The following NRXN3 variants were observed in gnomAD, a reference collection of about 807,000 sequenced individuals.
NRXN3 encodes neurexin III.
Under a neutral mutation model 137.6 loss-of-function variants are expected in NRXN3, and 32 were observed. The observed-to-expected ratio is 0.23, with a 90% CI of 0.18 to 0.31. The LOEUF is 0.31. Ranked by LOEUF, NRXN3 falls within the 10% of genes least tolerant of loss-of-function variation. NRXN3 has a pLI of 1.00. For missense variants in NRXN3, 1,574 were observed against 2,062.5 expected, an observed-to-expected ratio of 0.76 and a Z score of 4.59; for synonymous variants, 798 against 784.5, an observed-to-expected ratio of 1.02 and a Z score of -0.29.
chr14:78,442,567 G>A lies in NRXN3; in HGVS notation c.757+144707G>A, dbSNP rs60754504. On this transcript the variant is annotated intron_variant, in intron 4 of 20. Coordinates refer to ENST00000335750, the MANE Select transcript of NRXN3 (RefSeq NM_001330195.2). Reference sequence around the variant, plus strand: ...TGGCAATTTGTTACAGTAGCCCTAGGAAAGAAAGGGTTCTCCTTCTCTGAA... The same window carrying A: ...TGGCAATTTGTTACAGTAGCCCTAGAAAAGAAAGGGTTCTCCTTCTCTGAA... Among the ~76,000 whole-genome samples, 75 of 152,312 alleles carry A rather than the reference G, an allele frequency of 4.9e-4. No individual in the cohort carries two copies. In the East Asian group the frequency reaches 0.01, roughly 20 times the overall value.
intron 4 of NRXN3, among the ~76,000 whole-genome samples, chr14:78,464,465 A>G (rs1037639345): frequency 6.6e-5 from 10 of 152,222 alleles, no homozygotes; most frequent in African/African-American, 2.4e-4. Context: ...TATAGGTGAG[A>G]GAATTCAGAA....
chr14:78,483,771 C>T (rs2095510637), intron 4 of NRXN3, among the ~76,000 whole-genome samples: 1 of 152,088 alleles, frequency 6.6e-6, no homozygotes, highest in African/African-American at 2.4e-5. Flanking sequence ...TTTAAAAAGA[C>T]CCTAGAGTTC....
At chr14:78,833,267 T>G (rs1205104176) in intron 10 of NRXN3, among the ~76,000 whole-genome samples, 2 of 152,210 alleles carry the variant, frequency 1.3e-5, no homozygotes, top group Non-Finnish European at 2.9e-5. Flanking sequence ...CTCATGTCTT[T>G]TGAGTGACCT....
At chr14:79,206,068 T>A (rs2153223022) in intron 15 of NRXN3, among the ~76,000 whole-genome samples, 1 of 152,304 alleles carries the variant, frequency 6.6e-6, no homozygotes, top group Non-Finnish European at 1.5e-5. Flanking sequence ...GTCATTCATT[T>A]TTCTGTCTGT....
rs151197180 is a variant in NRXN3, at chr14:78,702,451, C to CTTTTCTTTTTTTTTTTTTTTTTTTTT, written c.1222-6764_1222-6763insTTCTTTTTTTTTTTTTTTTTTTTTTT. Among the ~76,000 whole-genome samples the CTTTTCTTTTTTTTTTTTTTTTTTTTT allele has an allele frequency of 4.1e-5, 5 of 122,702 alleles. 2 individuals carry two copies. Among genetic ancestry groups the CTTTTCTTTTTTTTTTTTTTTTTTTTT allele is most frequent in the South Asian group, 2.5e-4 (1 of 3,948 alleles). The allele number at this position is 122,702 out of a possible 152,430, so 80.5% of individuals were successfully genotyped here. A position where few individuals can be genotyped will look rare whatever the true frequency, so the allele number is the denominator to read the frequency against. On this transcript the variant is annotated intron_variant, in intron 6 of 20. Transcript: ENST00000335750. ...AAGAGAGAATCTTTCTTTTTCTTTT[C>CTTTTCTTTTTTTTTTTTTTTTTTTTT]TTATTTTTTTTGAGATGGAGTCTCA...
chr14:78,476,659 A>G (rs1247620380), intron 4 of NRXN3, among the ~76,000 whole-genome samples: 3 of 152,200 alleles, frequency 2.0e-5, no homozygotes, highest in African/African-American at 7.2e-5. Flanking sequence ...ATTTAAGTCA[A>G]TTGATTTATA....
chr14:79,664,228 G>T (rs2098547532), intron 17 of NRXN3, among the ~76,000 whole-genome samples: 1 of 152,120 alleles, frequency 6.6e-6, no homozygotes, highest in South Asian at 2.1e-4. Flanking sequence ...AGATTTTGCA[G>T]GGCCTGTAGA....
chr14:78,580,694 A>T (rs1230706966), intron 4 of NRXN3, among the ~76,000 whole-genome samples: 1 of 152,178 alleles, frequency 6.6e-6, no homozygotes, highest in Non-Finnish European at 1.5e-5. Context: ...AATGAATCTC[A>T]AATAGTGTCC....
chr14:78,175,455 C>T (rs991294075), intron 1 of NRXN3, among the ~76,000 whole-genome samples: 2 of 152,192 alleles, frequency 1.3e-5, no homozygotes, highest in African/African-American at 4.8e-5. Context: ...AGAAGCATTC[C>T]TTCTAAAACC....
intron 15 of NRXN3, among the ~76,000 whole-genome samples, chr14:79,033,003 T>A (rs1273343028): frequency 6.6e-6 from 1 of 152,150 alleles, no homozygotes; most frequent in African/African-American, 2.4e-5. Flanking sequence ...TTACTATTGT[T>A]GCCACCTCTA....
chr14:78,464,875 C>T (rs2095050852), intron 4 of NRXN3, among the ~76,000 whole-genome samples: 1 of 152,170 alleles, frequency 6.6e-6, no homozygotes, highest in Non-Finnish European at 1.5e-5. Flanking sequence ...ATCATTCCTC[C>T]TCCGAATTCT....
At chr14:79,233,321 C>A (rs2072593489) in intron 15 of NRXN3, among the ~76,000 whole-genome samples, 1 of 152,146 alleles carries the variant, frequency 6.6e-6, no homozygotes, top group South Asian at 2.1e-4. Context: ...GCGCAACGTG[C>A]TGAATATGAA....
intron 14 of NRXN3, among the ~76,000 whole-genome samples, chr14:78,982,433 C>CA (rs2099491668): frequency 2.0e-5 from 3 of 152,032 alleles, no homozygotes; most frequent in East Asian, 1.9e-4. Context: ...ATAGTTCTGA[C>CA]AAAAAACGGA....
intron 15 of NRXN3, among the ~76,000 whole-genome samples, chr14:79,081,858 C>A (rs186362888): frequency 6.6e-6 from 1 of 151,958 alleles, no homozygotes; most frequent in Non-Finnish European, 1.5e-5. Flanking sequence ...TTAGGCACTG[C>A]GGTATGCCTC....
chr14:78,709,278 C>A lies in NRXN3; in HGVS notation c.1283C>A (p.Thr428Asn). ...TCTCGCCTGGCCCGGATTGCGGACA[C>A]CAAGATGAAAATCTATGGCGAAGTT... ...ELSRLARIAD[T>N]KMKIYGEVVF... Residue 428 changes from threonine (T) to asparagine (N), a missense_variant, in exon 7 of 21, where the codon ACC (threonine) becomes AAC (asparagine). Physicochemically the swap from Thr to Asn is moderately conservative, Grantham distance 65 (BLOSUM62 0). Transcript: ENST00000335750. 6.2e-7 allele frequency: 1 copy of A among 1,614,092 alleles called. No homozygotes were observed. Among genetic ancestry groups the A allele is most frequent in the Non-Finnish European group, 8.5e-7 (1 of 1,180,010 alleles).
rs574982311 is a variant in NRXN3, at chr14:79,151,240, A to T, written c.3262+163099A>T. On this transcript the variant is annotated intron_variant, in intron 15 of 20. Transcript: ENST00000335750. ...CATTTTGCCTTTGGTGGGTGAGGTA[A>T]ATCTTCAGATTAGAAATGGTAAAGC... is the stretch of plus-strand genomic sequence containing the variant. 2.0e-5 allele frequency among the ~76,000 whole-genome samples: 3 copies of T among 152,102 alleles called. No individual in the cohort carries two copies. The East Asian group carries it at 5.8e-4, about 30-fold the overall frequency.
At chr14:79,131,780 G>C (rs888738848) in intron 15 of NRXN3, among the ~76,000 whole-genome samples, 3 of 152,218 alleles carry the variant, frequency 2.0e-5, no homozygotes, top group African/African-American at 4.8e-5. Context: ...CCCCAGCCTT[G>C]CTGCCACCTT....
chr14:79,608,632 C>T (rs977303298), intron 16 of NRXN3, among the ~76,000 whole-genome samples: 17 of 152,142 alleles, frequency 1.1e-4, no homozygotes, highest in East Asian at 1.9e-4. Context: ...AGCTGCCAGC[C>T]GGCCTGGCAA....
chr14:79,187,463 G>T (rs1206125890), intron 15 of NRXN3, among the ~76,000 whole-genome samples: 1 of 152,144 alleles, frequency 6.6e-6, no homozygotes, highest in Non-Finnish European at 1.5e-5. Context: ...CAGATTAAAT[G>T]ACCTTTTCCC....
Sources: gnomAD v4.1 joint callset for allele counts (sites outside exome capture counted in the v4.1 genomes callset) on GRCh38, gnomAD v4.1.1 for gene constraint, MANE v1.5 for transcripts, NCBI Gene and HGNC (gene_info 2026-07-23, HGNC 2026-07-21) for gene names.